The following IL6R variants were observed in gnomAD, a reference collection of about 807,000 sequenced individuals.
The protein encoded by IL6R is interleukin-6 receptor subunit alpha.
IL6R carries 38 observed loss-of-function variants against 48.3 expected under a neutral mutation model. The ratio of observed to expected loss-of-function variants is 0.79; its 90% CI spans 0.61 to 1.03. IL6R has a LOEUF of 1.03. Ranked by LOEUF, IL6R falls within the 50% of genes least tolerant of loss-of-function variation. IL6R has a pLI of 0.00. For missense variants in IL6R, 534 were observed against 618.3 expected (o/e 0.86, Z 1.45); for synonymous variants, 264 against 256.2 (o/e 1.03, Z -0.29).
chr1:154,448,303 G>A (rs1423422584), intron 7 of IL6R, 132 bp downstream of exon 7: 5 of 698,902 alleles, frequency 7.2e-6, no homozygotes, highest in East Asian at 2.5e-5. Flanking sequence ...TGAGTTACCT[G>A]TGCTTTTCAA....
At chr1:154,416,410 G>T (rs1346099809) in intron 1 of IL6R, among the ~76,000 whole-genome samples, 1 of 151,568 alleles carries the variant, frequency 6.6e-6, no homozygotes, top group Non-Finnish European at 1.5e-5. Flanking sequence ...CTCCCAAAGT[G>T]TTGGCATTAC....
intron 9 of IL6R, among the ~76,000 whole-genome samples, chr1:154,464,274 C>T (rs4345796): frequency 0.15 from 22,992 of 151,912 alleles, 1,782 homozygotes; most frequent in South Asian, 0.17. Flanking sequence ...CCTGCCTCAG[C>T]CTCCCAAGTA....
At chr1:154,425,795 A>AT (rs1484719916) in intron 1 of IL6R, among the ~76,000 whole-genome samples, 2 of 150,536 alleles carry the variant, frequency 1.3e-5, no homozygotes, top group Non-Finnish European at 3.0e-5. Context: ...AAAAAAAAAA[A>AT]GCAGCCGGGC....
At chr1:154,411,591 C>T (rs999936565) in intron 1 of IL6R, among the ~76,000 whole-genome samples, 2 of 152,272 alleles carry the variant, frequency 1.3e-5, no homozygotes, top group East Asian at 3.9e-4. Flanking sequence ...TGAGAGAGGC[C>T]GCTGAGGTAG....
intron 1 of IL6R, chr1:154,414,990 A>G: frequency 1.3e-6 from 2 of 1,502,010 alleles, no homozygotes; most frequent in Admixed American, 1.9e-5. Context: ...ACGGGCCAGA[A>G]TGAGCTGCTG....
At chr1:154,450,189 G>C (rs1690504526) in intron 8 of IL6R, among the ~76,000 whole-genome samples, 1 of 151,496 alleles carries the variant, frequency 6.6e-6, no homozygotes, top group South Asian at 2.1e-4. Context: ...GCCGTGGCAT[G>C]ATCTCGGCTC....
chr1:154,414,784 T>G lies in IL6R; in HGVS notation c.85+9070T>G, dbSNP rs1318318349. On this transcript the variant is annotated intron_variant, in intron 1 of 9. Transcript: ENST00000368485. Reference sequence around the variant, plus strand: ...GTCCTTGGCAGGCAGCCACTCCAGCTCCATGTGGAACTCAGCCACCCGCTT... The same window carrying G: ...GTCCTTGGCAGGCAGCCACTCCAGCGCCATGTGGAACTCAGCCACCCGCTT... 6.5e-6 allele frequency: 5 copies of G among 764,158 alleles called. No individual in the cohort carries two copies. In the African/African-American group the frequency reaches 8.5e-5, roughly 13 times the overall value. 47.3% of individuals were successfully genotyped at this position (764,158 alleles called of 1,614,324 possible). A position where few individuals can be genotyped will look rare whatever the true frequency, so the allele number is the denominator to read the frequency against.
At chr1:154,460,048 AG>A (rs751442040) in intron 9 of IL6R, among the ~76,000 whole-genome samples, 1 of 152,140 alleles carries the variant, frequency 6.6e-6, no homozygotes, top group Non-Finnish European at 1.5e-5. Context: ...TTGGGGTAAA[AG>A]GGGTGGCAAC....
chr1:154,444,666 T>C (rs1690116230), intron 6 of IL6R, among the ~76,000 whole-genome samples: 1 of 151,948 alleles, frequency 6.6e-6, no homozygotes, highest in Non-Finnish European at 1.5e-5. Context: ...ACGAGGCTGA[T>C]GGGGGAGGAT....
chr1:154,410,488 C>T (rs776815158), intron 1 of IL6R, among the ~76,000 whole-genome samples: 36 of 152,192 alleles, frequency 2.4e-4, no homozygotes, highest in Non-Finnish European at 3.1e-4. Flanking sequence ...TAGGCTCAAG[C>T]AGTTCACCCG....
At chr1:154,435,833 C>G (rs1689593933) in intron 5 of IL6R, 136 bp from the exon 6 acceptor site, 1 of 697,938 alleles carries the variant, frequency 1.4e-6, no homozygotes, top group East Asian at 2.9e-5. Flanking sequence ...CTAGCAGAGC[C>G]TCTGGGGTTG....
intron 6 of IL6R, among the ~76,000 whole-genome samples, chr1:154,440,082 T>G (rs911462612): frequency 3.9e-5 from 6 of 152,194 alleles, no homozygotes; most frequent in Non-Finnish European, 8.8e-5. Context: ...TTTGTATTTT[T>G]TGTAGAGACA....
intron 1 of IL6R, among the ~76,000 whole-genome samples, chr1:154,424,555 T>A (rs766418793): frequency 4.6e-5 from 7 of 152,246 alleles, no homozygotes; most frequent in Non-Finnish European, 1.0e-4. Context: ...TGCAAGTTTG[T>A]CATTTGTGCA....
At chr1:154,463,145 T>C (rs1691362199) in intron 9 of IL6R, among the ~76,000 whole-genome samples, 1 of 111,138 alleles carries the variant, frequency 9.0e-6, no homozygotes, top group African/African-American at 3.1e-5. Flanking sequence ...AACATCTTTG[T>C]GCATAAAGGG....
In IL6R at chr1:154,435,969, G is replaced by A; in HGVS notation, c.808G>A (p.Val270Ile). The change falls in exon 6 of 10, where the codon GTC (valine) becomes ATC (isoleucine). Residue 270 changes from valine to isoleucine, a missense_variant and splice_region_variant. Transcript: ENST00000368485. ...ERSKTFTTWM[V>I]KDLQHHCVIH... Reference sequence around the variant, plus strand: ...AGAGTCACCGTGCCCCCGCCCTCAGGTCAAGGACCTCCAGCATCACTGTGT... The same window carrying A: ...AGAGTCACCGTGCCCCCGCCCTCAGATCAAGGACCTCCAGCATCACTGTGT... 6.2e-7 allele frequency: 1 copy of A among 1,602,178 alleles called. No homozygotes were observed.
At chr1:154,434,332 CTT>C (rs1689480873) in intron 3 of IL6R, among the ~76,000 whole-genome samples, 185 bp from the exon 4 acceptor site, 1 of 152,000 alleles carries the variant, frequency 6.6e-6, no homozygotes, top group Non-Finnish European at 1.5e-5. Flanking sequence ...AAAACAAAAA[CTT>C]AACCCCTACT....
intron 9 of IL6R, among the ~76,000 whole-genome samples, chr1:154,462,367 T>C (rs1691307733): frequency 7.0e-6 from 1 of 143,784 alleles, no homozygotes; most frequent in Non-Finnish European, 1.5e-5. Flanking sequence ...TTCTTGTAAA[T>C]CTCAGACTTT....
At chr1:154,445,513 G>C (rs547922226) in intron 6 of IL6R, among the ~76,000 whole-genome samples, 5 of 152,148 alleles carry the variant, frequency 3.3e-5, no homozygotes, top group Non-Finnish European at 5.9e-5. Flanking sequence ...TACTTTGGGA[G>C]GCTGAGGCGG....
At position 154,405,529 on chromosome 1, in the gene IL6R, G is replaced by GCCCGCCCACCGCCCCGC. The variant is rs1553302460; in HGVS notation, c.-93_-77dup. 2 of 389,284 alleles carry GCCCGCCCACCGCCCCGC rather than the reference G, an allele frequency of 5.1e-6. No homozygotes were observed. Among genetic ancestry groups the GCCCGCCCACCGCCCCGC allele is most frequent in the East Asian group, 1.2e-4 (2 of 17,088 alleles). The allele number at this position is 389,284 out of a possible 1,614,324, so 24.1% of individuals were successfully genotyped here. The stretch of plus-strand genomic sequence containing the variant: ...CTGCCCCCGGGGCCTGAGCCCGCCT[G>GCCCGCCCACCGCCCCGC]CCCGCCCACCGCCCCGCCCCGCCCC... On this transcript the variant is annotated 5_prime_UTR_variant, in exon 1 of 10. Transcript: ENST00000368485. The surrounding 1 kb of genome is among the most constrained non-coding windows in gnomAD (Gnocchi z 5.2).
Sources: allele counts gnomAD v4.1 joint callset (sites outside exome capture counted in the v4.1 genomes callset), GRCh38; gene constraint gnomAD v4.1.1; non-coding constraint Gnocchi (gnomAD v3.1); transcripts MANE v1.5; gene names NCBI Gene and HGNC (gene_info 2026-07-23, HGNC 2026-07-21).